MAN2A1: variants seen among roughly 807,000 people sequenced by gnomAD.
MAN2A1 encodes alpha-mannosidase 2.
A neutral mutation model predicts 142.6 loss-of-function variants in MAN2A1; 76 were observed. The ratio of observed to expected loss-of-function variants is 0.53; its 90% confidence interval spans 0.44 to 0.65. The LOEUF is 0.65. MAN2A1 is among the 30% of genes least tolerant of loss of function. The pLI, the probability that MAN2A1 is intolerant of heterozygous loss-of-function variation, is 0.00. For missense variants in MAN2A1, 1,311 were observed against 1,365.1 expected (o/e 0.96, Z 0.62); for synonymous variants, 559 against 473.2 (o/e 1.18, Z -2.35).
intron 15 of MAN2A1, among the ~76,000 whole-genome samples, chr5:109,820,614 G>GC (rs1754597946): frequency 6.6e-6 from 1 of 152,084 alleles, no homozygotes; most frequent in South Asian, 2.1e-4. Flanking sequence ...TTCAAGACCA[G>GC]CCTGGGCAAC....
At chr5:109,859,109 T>C (rs1320550464) in intron 20 of MAN2A1, among the ~76,000 whole-genome samples, 3 of 152,248 alleles carry the variant, frequency 2.0e-5, no homozygotes, top group Non-Finnish European at 2.9e-5. Context: ...TATCTCCATT[T>C]CCTAAATTAG....
chr5:109,748,655 C>T (rs546450844), intron 4 of MAN2A1, among the ~76,000 whole-genome samples: 2 of 151,962 alleles, frequency 1.3e-5, no homozygotes, highest in South Asian at 2.1e-4. Context: ...CAGTAACAGC[C>T]CCTAATGAAC....
intron 20 of MAN2A1, among the ~76,000 whole-genome samples, chr5:109,859,921 CAT>C (rs1214273314): frequency 2.0e-5 from 3 of 147,380 alleles, no homozygotes; most frequent in Non-Finnish European, 4.5e-5. Flanking sequence ...TATATTTAGA[CAT>C]ATTTATTTTA....
chr5:109,847,245 C>T (rs1755366179), intron 18 of MAN2A1, among the ~76,000 whole-genome samples: 1 of 152,170 alleles, frequency 6.6e-6, no homozygotes, highest in African/African-American at 2.4e-5. Context: ...CATTATCTCA[C>T]TTCCTGGAAA....
intron 4 of MAN2A1, among the ~76,000 whole-genome samples, chr5:109,747,392 T>C (rs1053816737): frequency 1.3e-5 from 2 of 152,224 alleles, no homozygotes; most frequent in African/African-American, 4.8e-5. Flanking sequence ...TATAAACATT[T>C]ATGAATTTCA....
chr5:109,826,268 G>A (rs989194779), intron 16 of MAN2A1, among the ~76,000 whole-genome samples: 2 of 151,402 alleles, frequency 1.3e-5, no homozygotes, highest in Non-Finnish European at 2.9e-5. Context: ...TGGTGTTCTC[G>A]GGCATATGAA....
At chr5:109,831,723 G>A (rs1277045516) in intron 16 of MAN2A1, among the ~76,000 whole-genome samples, 1 of 151,968 alleles carries the variant, frequency 6.6e-6, no homozygotes, top group Non-Finnish European at 1.5e-5. Flanking sequence ...TTTCTCCACA[G>A]AATGTTATCT....
chr5:109,690,363 T>G lies in MAN2A1; in HGVS notation c.-55T>G. 6.2e-7 allele frequency: 1 copy of G among 1,603,672 alleles called. No individual in the cohort carries two copies. Among genetic ancestry groups the G allele is most frequent in the Non-Finnish European group, 8.5e-7 (1 of 1,170,738 alleles). ...GGCGGCTGCTTCCTAGAGTCCACAG[T>G]GCGCTGTCTCCTTTGGCTGAGGAGA... On this transcript the variant is annotated 5_prime_UTR_variant, in exon 1 of 22. Transcript: ENST00000261483.
chr5:109,736,305 GA>G (rs1190559648), intron 4 of MAN2A1, among the ~76,000 whole-genome samples: 1 of 152,064 alleles, frequency 6.6e-6, no homozygotes. Context: ...AACTGTCTTG[GA>G]AAACCACATA....
In MAN2A1 at chr5:109,833,736, T is replaced by G. The variant is rs144160222; in HGVS notation, c.2567-8592T>G. ...GAGAGGGATTGAAGGAGTTTTCTTA[T>G]AGGAATATCATTCAGTACTTTGAAC... On this transcript the variant is annotated intron_variant, in intron 16 of 21. Transcript: ENST00000261483. Among the ~76,000 whole-genome samples the G allele has an allele frequency of 1.1e-4, 17 of 152,064 alleles. No homozygotes were observed. The East Asian group carries it at 3.3e-3, about 30-fold the overall frequency.
rs1386003565 is a variant in MAN2A1, at chr5:109,868,931, G to A, written c.*1933G>A. The A allele has an allele frequency of 1.3e-5, 2 of 151,968 alleles. No homozygotes were observed. The highest frequency in any genetic ancestry group is 2.9e-5 in the Non-Finnish European group (2 of 68,002). 9.4% of individuals were successfully genotyped at this position (151,968 alleles called of 1,614,324 possible). Reference sequence around the variant, plus strand: ...TTAATCATTCTCGAAATTGTGATCAGATGAAATAAAAAAAAAATCTTGATG... The same window carrying A: ...TTAATCATTCTCGAAATTGTGATCAAATGAAATAAAAAAAAAATCTTGATG... On this transcript the variant is annotated 3_prime_UTR_variant, in exon 22 of 22. Coordinates refer to ENST00000261483, the MANE Select transcript of MAN2A1 (RefSeq NM_002372.4).
intron 1 of MAN2A1, among the ~76,000 whole-genome samples, chr5:109,709,050 G>T (rs924573890): frequency 2.0e-5 from 3 of 152,222 alleles, no homozygotes; most frequent in Admixed American, 1.3e-4. Flanking sequence ...GATGGGCCCA[G>T]TGCCTACTGA....
At chr5:109,849,579 A>T (rs1247193250) in intron 19 of MAN2A1, among the ~76,000 whole-genome samples, 1 of 152,052 alleles carries the variant, frequency 6.6e-6, no homozygotes, top group Non-Finnish European at 1.5e-5. Context: ...TCAAATTTAT[A>T]ATCTTCTTTA....
intron 9 of MAN2A1, among the ~76,000 whole-genome samples, chr5:109,783,422 C>G (rs545255981): frequency 6.6e-6 from 1 of 152,068 alleles, no homozygotes; most frequent in African/African-American, 2.4e-5. Context: ...CATATGTACT[C>G]CTTTTAAAAC....
At chr5:109,739,443 C>T (rs909659553) in intron 4 of MAN2A1, among the ~76,000 whole-genome samples, 1 of 152,060 alleles carries the variant, frequency 6.6e-6, no homozygotes. Flanking sequence ...TTTTCATATG[C>T]ATTTTTAATT....
Position 109,770,387 on chromosome 5 carries a change from A to T in MAN2A1, c.1042A>T (p.Met348Leu). The change falls in exon 7 of 22, where the codon ATG becomes TTG. Residue 348 changes from methionine to leucine, a missense_variant. By Grantham distance (15) the Met-to-Leu change is conservative. This residue lies in a region of MAN2A1 where 409 missense variants were observed against 412.7 expected (regional missense o/e 0.99). Transcript: ENST00000261483. ...LGSVTDILCH[M>L]MPFYSYDIPH... Reference sequence around the variant, plus strand: ...ATCTGTCACAGATATTTTATGCCACATGATGCCCTTCTACAGCTATGACAT... The same window carrying T: ...ATCTGTCACAGATATTTTATGCCACTTGATGCCCTTCTACAGCTATGACAT... The T allele has an allele frequency of 6.2e-7, 1 of 1,613,988 alleles. No homozygotes were observed.
chr5:109,847,046 G>A (rs1363033032), intron 18 of MAN2A1, among the ~76,000 whole-genome samples: 4 of 152,094 alleles, frequency 2.6e-5, no homozygotes, highest in Non-Finnish European at 5.9e-5. Flanking sequence ...GGAATTTTAC[G>A]TGAAGTTGTT....
chr5:109,825,295 G>T (rs914265917), intron 16 of MAN2A1, among the ~76,000 whole-genome samples: 3 of 152,070 alleles, frequency 2.0e-5, no homozygotes, highest in African/African-American at 7.2e-5. Context: ...GTTTTTTAGT[G>T]GAAAAGTTTT....
chr5:109,717,123 G>A (rs1751478442), intron 3 of MAN2A1, among the ~76,000 whole-genome samples: 1 of 151,998 alleles, frequency 6.6e-6, no homozygotes, highest in Non-Finnish European at 1.5e-5. Flanking sequence ...TTTTGAAGGA[G>A]TGTGTTACTT....
Sources: allele counts gnomAD v4.1 joint callset (sites outside exome capture counted in the v4.1 genomes callset), GRCh38; gene constraint gnomAD v4.1.1; regional missense constraint gnomAD v4.1.1; transcripts MANE v1.5; gene names NCBI Gene and HGNC (gene_info 2026-07-23, HGNC 2026-07-21).